The following GPC5 variants were observed in gnomAD, a reference collection of about 807,000 sequenced individuals.
The protein encoded by GPC5 is glypican 5.
GPC5 carries 47 observed loss-of-function variants against 53.9 expected under a neutral mutation model. The ratio of observed to expected loss-of-function variants is 0.87; its 90% confidence interval spans 0.69 to 1.11. The LOEUF is 1.11. Among genes scored for constraint, GPC5 ranks in the 50% most tolerant of loss-of-function variants. The probability of loss-of-function intolerance (pLI) is 0.00; values close to 1 mark genes in which losing one functional copy is unlikely to be tolerated. For synonymous variants in GPC5, 286 were observed against 263.3 expected, an observed-to-expected ratio of 1.09 and a Z score of -0.84; for missense variants, 748 against 713.1, an observed-to-expected ratio of 1.05 and a Z score of -0.56.
intron 2 of GPC5, among the ~76,000 whole-genome samples, chr13:91,542,655 G>A (rs1015528442): frequency 3.3e-4 from 50 of 152,086 alleles, no homozygotes; most frequent in African/African-American, 1.0e-3. Flanking sequence ...CATCCGGAAA[G>A]TGTGATTGCA....
chr13:91,784,054 A>C (rs1417160555), intron 5 of GPC5, among the ~76,000 whole-genome samples: 1 of 152,180 alleles, frequency 6.6e-6, no homozygotes, highest in Non-Finnish European at 1.5e-5. Context: ...ACAGAGATAT[A>C]TTAGAAACTA....
intron 7 of GPC5, among the ~76,000 whole-genome samples, chr13:92,847,530 C>T (rs550241623): frequency 1.3e-5 from 2 of 152,174 alleles, no homozygotes; most frequent in Non-Finnish European, 2.9e-5. Flanking sequence ...CTTCTCCAGC[C>T]ATGTACCTAC....
intron 6 of GPC5, among the ~76,000 whole-genome samples, chr13:92,051,505 T>C (rs2041029416): frequency 6.6e-6 from 1 of 151,798 alleles, no homozygotes; most frequent in Admixed American, 6.6e-5. Context: ...CGGACGAGAC[T>C]GCATTTCTAA....
At chr13:91,838,229 C>G (rs548676917) in intron 5 of GPC5, among the ~76,000 whole-genome samples, 1 of 152,038 alleles carries the variant, frequency 6.6e-6, no homozygotes, top group Non-Finnish European at 1.5e-5. Flanking sequence ...CAAGTTTTCC[C>G]AGTGTCCCCT....
intron 7 of GPC5, among the ~76,000 whole-genome samples, chr13:92,516,837 C>T (rs1880803530): frequency 6.6e-6 from 1 of 152,104 alleles, no homozygotes; most frequent in African/African-American, 2.4e-5. Context: ...GGGGGCAGGA[C>T]AGTGGGTGCA....
rs1229120272 is a variant in GPC5, at chr13:91,784,860, CAT to C, written c.1280+28443_1280+28444del. ...GCAATAACTAGATTAGAAAATGTAT[CAT>C]ATGTTGCCAAACATTCAGAAGTCGC... On this transcript the variant is annotated intron_variant, in intron 5 of 7. Coordinates refer to ENST00000377067, the MANE Select transcript of GPC5 (RefSeq NM_004466.6). Among the ~76,000 whole-genome samples the C allele has an allele frequency of 2.0e-5, 3 of 152,058 alleles. 1 individual carries two copies. Among genetic ancestry groups the C allele is most frequent in the Non-Finnish European group, 4.4e-5 (3 of 68,030 alleles).
At chr13:92,712,331 T>A (rs145607122) in intron 7 of GPC5, among the ~76,000 whole-genome samples, 228 of 151,794 alleles carry the variant, frequency 1.5e-3, no homozygotes, top group African/African-American at 5.3e-3. Context: ...AACCATTACA[T>A]CTAACCCAAA....
At chr13:91,926,220 G>A (rs1178791251) in intron 6 of GPC5, among the ~76,000 whole-genome samples, 1 of 152,010 alleles carries the variant, frequency 6.6e-6, no homozygotes, top group East Asian at 1.9e-4. Flanking sequence ...AATTAGCCAG[G>A]CATGGTGGCA....
intron 2 of GPC5, among the ~76,000 whole-genome samples, chr13:91,660,740 A>G (rs1013756168): frequency 6.6e-6 from 1 of 152,178 alleles, no homozygotes; most frequent in East Asian, 1.9e-4. Context: ...CAATTGTAGT[A>G]TTTCTCAGAA....
chr13:92,692,733 A>G (rs1027590603), intron 7 of GPC5, among the ~76,000 whole-genome samples: 1 of 133,128 alleles, frequency 7.5e-6, no homozygotes, highest in East Asian at 3.5e-4. Flanking sequence ...CCTTTCCTCC[A>G]AAGCCTCACC....
intron 6 of GPC5, among the ~76,000 whole-genome samples, chr13:92,114,256 G>A (rs999161067): frequency 6.6e-6 from 1 of 152,090 alleles, no homozygotes; most frequent in Non-Finnish European, 1.5e-5. Context: ...CCCACCCCAC[G>A]TGTGATTCCC....
At chr13:91,576,220 G>A (rs2032128573) in intron 2 of GPC5, among the ~76,000 whole-genome samples, 1 of 151,874 alleles carries the variant, frequency 6.6e-6, no homozygotes, top group South Asian at 2.1e-4. Context: ...GCAATGTATT[G>A]TATGCTTGAA....
chr13:92,715,326 A>G (rs1321273797), intron 7 of GPC5, among the ~76,000 whole-genome samples: 1 of 152,170 alleles, frequency 6.6e-6, no homozygotes, highest in Non-Finnish European at 1.5e-5. Context: ...CTACATTTTG[A>G]ACATTTCTTA....
At chr13:91,580,334 G>A (rs1368099124) in intron 2 of GPC5, among the ~76,000 whole-genome samples, 1 of 152,154 alleles carries the variant, frequency 6.6e-6, no homozygotes, top group East Asian at 1.9e-4. Context: ...ACAGGAGTGA[G>A]CCACCGTGCC....
chr13:92,848,529 C>G (rs1018764927), intron 7 of GPC5, among the ~76,000 whole-genome samples: 1 of 149,394 alleles, frequency 6.7e-6, no homozygotes, highest in Non-Finnish European at 1.5e-5. Context: ...CAAAAATAAA[C>G]ATAATTGCAA....
At chr13:91,854,602 G>T (rs1335346971) in intron 5 of GPC5, among the ~76,000 whole-genome samples, 2 of 151,178 alleles carry the variant, frequency 1.3e-5, no homozygotes, top group East Asian at 3.9e-4. Flanking sequence ...TATCTCCATG[G>T]GTTCAATAGT....
chr13:92,786,001 A>C (rs569848503), intron 7 of GPC5, among the ~76,000 whole-genome samples: 4 of 152,190 alleles, frequency 2.6e-5, no homozygotes, highest in Non-Finnish European at 5.9e-5. Context: ...ATTACTCAAA[A>C]ATCAACCCTT....
intron 2 of GPC5, among the ~76,000 whole-genome samples, chr13:91,503,810 T>TA (rs1884789698): frequency 6.8e-6 from 1 of 147,066 alleles, no homozygotes; most frequent in Admixed American, 6.8e-5. Context: ...ATAATAATAA[T>TA]AATAATAATC....
chr13:92,043,464 A>G (rs905021750), intron 6 of GPC5, among the ~76,000 whole-genome samples: 9 of 152,122 alleles, frequency 5.9e-5, no homozygotes, highest in African/African-American at 2.2e-4. Flanking sequence ...TGGGCCATGG[A>G]AATTGGTAAG....
Sources: gnomAD v4.1 joint callset for allele counts (sites outside exome capture counted in the v4.1 genomes callset) on GRCh38, gnomAD v4.1.1 for gene constraint, MANE v1.5 for transcripts, NCBI Gene and HGNC (gene_info 2026-07-23, HGNC 2026-07-21) for gene names.